DST: variants seen among roughly 807,000 people sequenced by gnomAD.
The protein encoded by DST is dystonin.
DST carries 253 observed loss-of-function variants against 875.2 expected under a neutral mutation model. The observed-to-expected ratio is 0.29, with a 90% CI of 0.26 to 0.32. The LOEUF (loss-of-function observed/expected upper bound fraction) is 0.32. DST is among the 10% of genes least tolerant of loss of function. The probability of loss-of-function intolerance (pLI) is 1.00; values close to 1 mark genes in which losing one functional copy is unlikely to be tolerated. For synonymous variants in DST, 3,124 were observed against 3,197.1 expected (o/e 0.98, Z 0.77); for missense variants, 8,287 against 9,111.6 (o/e 0.91, Z 3.68).
chr6:56,600,358 T>G, intron 44 of DST, 137 bp from the exon 45 acceptor site: 2 of 767,166 alleles, frequency 2.6e-6, no homozygotes, highest in Non-Finnish European at 4.2e-6. Flanking sequence ...ATGATAGCAG[T>G]AGGGTACAAA....
At chr6:56,788,208 C>CTT (rs1041129605) in intron 4 of DST, among the ~76,000 whole-genome samples, 1 of 128,328 alleles carries the variant, frequency 7.8e-6, no homozygotes. Context: ...TTAAGTTCTT[C>CTT]TTTTTTTTTT....
At chr6:56,784,911 A>T (rs1396428344) in intron 4 of DST, among the ~76,000 whole-genome samples, 1 of 152,000 alleles carries the variant, frequency 6.6e-6, no homozygotes, top group Non-Finnish European at 1.5e-5. Context: ...TTTGGTGTGG[A>T]TGTCCTTTCT....
intron 27 of DST, 148 bp downstream of exon 27, chr6:56,633,984 A>C: frequency 1.1e-6 from 1 of 938,666 alleles, no homozygotes; most frequent in Non-Finnish European, 1.7e-6. Flanking sequence ...TGCTATGGGC[A>C]TATAACAAAT....
chr6:56,515,398 C>G (rs2096569429), intron 72 of DST, 52 bp downstream of exon 72: 1 of 1,580,366 alleles, frequency 6.3e-7, no homozygotes, highest in African/African-American at 1.4e-5. Flanking sequence ...CCATAAAAAT[C>G]ATGATTCTCT....
At chr6:56,814,280 CT>C (rs1168999736) in intron 4 of DST, among the ~76,000 whole-genome samples, 1 of 152,110 alleles carries the variant, frequency 6.6e-6, no homozygotes, top group Non-Finnish European at 1.5e-5. Context: ...TTAAGTTTTA[CT>C]TTTACCATTA....
intron 77 of DST, 147 bp from the exon 78 acceptor site, chr6:56,504,245 A>G: frequency 1.7e-6 from 1 of 600,348 alleles, no homozygotes; most frequent in Non-Finnish European, 2.8e-6. Flanking sequence ...GGTTCACCTA[A>G]ATTAGTAAAA....
intron 22 of DST, among the ~76,000 whole-genome samples, chr6:56,637,280 C>G (rs1329959967): frequency 6.6e-6 from 1 of 152,084 alleles, no homozygotes; most frequent in Non-Finnish European, 1.5e-5. Context: ...AAAAAATTAT[C>G]TCTGGCTACG....
chr6:56,625,043 T>G (rs1427104917), intron 35 of DST, 114 bp downstream of exon 35: 1 of 776,378 alleles, frequency 1.3e-6, no homozygotes, highest in African/African-American at 1.7e-5. Flanking sequence ...TTTAAAATTG[T>G]TAAAATAGTA....
intron 4 of DST, among the ~76,000 whole-genome samples, chr6:56,768,482 C>T (rs142691909): frequency 1.1e-4 from 17 of 152,252 alleles, no homozygotes; most frequent in South Asian, 6.2e-4. Flanking sequence ...AACAACTGGA[C>T]ATCTATATGC....
chr6:56,942,778 T>G (rs1283728996), intron 2 of DST, among the ~76,000 whole-genome samples: 2 of 147,598 alleles, frequency 1.4e-5, no homozygotes, highest in Non-Finnish European at 3.0e-5. Flanking sequence ...TGCAGTGGTA[T>G]GATCACGGCT....
intron 55 of DST, among the ~76,000 whole-genome samples, chr6:56,564,805 T>C (rs2097628715): frequency 6.6e-6 from 1 of 152,354 alleles, no homozygotes; most frequent in East Asian, 1.9e-4. Flanking sequence ...TCGAAGGCCT[T>C]TTCTGCATCT....
In DST at chr6:56,642,264, A is replaced by C. The variant is rs527246729; in HGVS notation, c.1872+146T>G. ...CCTCTTCTTGTCTCTCAAGAGAGCA[A>C]ACACCAATCATAATCTTTAACAAAC... On this transcript the variant is annotated intron_variant, in intron 16 of 103. Coordinates refer to ENST00000680361, the MANE Select transcript of DST (RefSeq NM_001374736.1). 7.8e-4 allele frequency: 677 copies of C among 864,354 alleles called. 1 individual carries two copies. The highest frequency in any genetic ancestry group is 1.1e-3 in the Non-Finnish European group (594 of 524,600). 53.5% of individuals were successfully genotyped at this position (864,354 alleles called of 1,614,324 possible). A position where few individuals can be genotyped will look rare whatever the true frequency, so the allele number is the denominator to read the frequency against.
chr6:56,842,118 A>G (rs1391792170), intron 4 of DST, among the ~76,000 whole-genome samples: 1 of 152,184 alleles, frequency 6.6e-6, no homozygotes, highest in Non-Finnish European at 1.5e-5. Flanking sequence ...TAATAGAAAA[A>G]CTACATGCAT....
chr6:56,663,716 A>G (rs1467890198), intron 10 of DST, among the ~76,000 whole-genome samples: 1 of 152,224 alleles, frequency 6.6e-6, no homozygotes, highest in Non-Finnish European at 1.5e-5. Flanking sequence ...TTAAACTTTA[A>G]TATAATGAAA....
intron 49 of DST, among the ~76,000 whole-genome samples, chr6:56,585,678 T>C (rs1436576140): frequency 6.6e-6 from 1 of 151,798 alleles, no homozygotes; most frequent in Non-Finnish European, 1.5e-5. Flanking sequence ...TTCTTTTAAT[T>C]GTGATGTTAG....
In DST at chr6:56,509,888, AAG is replaced by A. The variant is rs1473744193; in HGVS notation, c.18781-17_18781-16del. On this transcript the variant is annotated splice_polypyrimidine_tract_variant and intron_variant, in intron 73 of 103. Coordinates refer to ENST00000680361, the MANE Select transcript of DST (RefSeq NM_001374736.1). ...TTGTCATGGAACTAGGGGCAAAACA[AAG>A]AGATCTTTTATGGAAAAAAGATCTG... is the stretch of plus-strand genomic sequence containing the variant. 6.5e-7 allele frequency: 1 copy of A among 1,547,786 alleles called. No individual in the cohort carries two copies. The highest frequency in any genetic ancestry group is 2.3e-5 in the East Asian group (1 of 44,078).
intron 4 of DST, among the ~76,000 whole-genome samples, chr6:56,763,222 C>A (rs2099621968): frequency 6.6e-6 from 1 of 152,132 alleles, no homozygotes; most frequent in Non-Finnish European, 1.5e-5. Flanking sequence ...ACCATGTGTT[C>A]TAGTTTTCTC....
Position 56,614,434 on chromosome 6 carries a change from C to T in DST, c.4980G>A (p.Leu1660=). Residue 1660 remains leucine, a synonymous_variant, in exon 37 of 104, where the codon TTG becomes TTA. Transcript: ENST00000680361. ...KKEHVEKAKE[L]QKWVSNISKT... is the part of the protein sequence containing the mutation. ...TGCTGATATTTGATACCCATTTTTG[C>T]AATTCTTTGGCTTTTTCAACATGTT... 6.2e-7 allele frequency: 1 copy of T among 1,609,512 alleles called. No individual in the cohort carries two copies. The highest frequency in any genetic ancestry group is 8.5e-7 in the Non-Finnish European group (1 of 1,178,006).
chr6:56,790,866 T>A (rs1253447500), intron 4 of DST, among the ~76,000 whole-genome samples: 1 of 152,116 alleles, frequency 6.6e-6, no homozygotes, highest in Non-Finnish European at 1.5e-5. Context: ...ACAAAAGAAG[T>A]CCCCATTGCC....
Sources: gnomAD v4.1 joint callset for allele counts (sites outside exome capture counted in the v4.1 genomes callset) on GRCh38, gnomAD v4.1.1 for gene constraint, MANE v1.5 for transcripts, NCBI Gene and HGNC (gene_info 2026-07-23, HGNC 2026-07-21) for gene names.